Variants in CEP295 observed in about 807,000 individuals in gnomAD.
The protein encoded by CEP295 is centrosomal protein 295.
A neutral mutation model predicts 291.6 loss-of-function variants in CEP295; 190 were observed. The observed-to-expected ratio is 0.65, with a 90% CI of 0.58 to 0.73. The LOEUF (loss-of-function observed/expected upper bound fraction) is 0.73. Ranked by LOEUF, CEP295 falls within the 30% of genes least tolerant of loss-of-function variation. The pLI is 0.00. For missense variants in CEP295, 2,863 were observed against 2,949.4 expected (o/e 0.97, Z 0.68); for synonymous variants, 993 against 1,038.8 (o/e 0.96, Z 0.85).
At chr11:93,681,483 T>C (rs1323299322) in intron 7 of CEP295, among the ~76,000 whole-genome samples, 2 of 139,748 alleles carry the variant, frequency 1.4e-5, no homozygotes, top group African/African-American at 2.6e-5. Context: ...TGGCGTGATC[T>C]TGGCTCACTG....
rs934527379 is a variant in CEP295 at position 93,711,975 on chromosome 11, A to G, written c.5749+5078A>G. ...AATATCTGTTAGGTTCATTTGGTCT[A>G]TGGTGAAGATTAAGCCCAATGTTTC... is the stretch of plus-strand genomic sequence containing the variant. On this transcript the variant is annotated intron_variant, in intron 18 of 29. Coordinates refer to ENST00000325212, the MANE Select transcript of CEP295 (RefSeq NM_033395.2). 7.2e-5 allele frequency among the ~76,000 whole-genome samples: 11 copies of G among 152,142 alleles called. No individual in the cohort carries two copies. In the South Asian group the frequency reaches 8.3e-4, roughly 11 times the overall value.
chr11:93,709,784 T>G (rs1952774800), intron 18 of CEP295, among the ~76,000 whole-genome samples: 1 of 152,198 alleles, frequency 6.6e-6, no homozygotes, highest in South Asian at 2.1e-4. Context: ...GAACATGGAA[T>G]ATCTTTCCAT....
rs1007108410 is a variant in CEP295, at chr11:93,727,148, A to G, written c.6672A>G (p.Lys2224=). Residue 2224 remains lysine (K), a synonymous_variant, in exon 24 of 30, where the codon AAA becomes AAG. Transcript: ENST00000325212. ...EHTEILQNKK[K]IVHFQLSIGN... is the part of the protein sequence containing the mutation. Reference sequence around the variant, plus strand: ...CTGAAATATTACAAAACAAGAAAAAAATTGTTCATTTCCAGCTTTCTATAG... The same window carrying G: ...CTGAAATATTACAAAACAAGAAAAAGATTGTTCATTTCCAGCTTTCTATAG... The G allele has an allele frequency of 1.9e-6, 3 of 1,550,510 alleles. No homozygotes were observed. The African/African-American group carries it at 4.1e-5, about 21-fold the overall frequency.
chr11:93,674,880 G>T (rs1950617178), intron 5 of CEP295, among the ~76,000 whole-genome samples: 1 of 152,138 alleles, frequency 6.6e-6, no homozygotes, highest in South Asian at 2.1e-4. Context: ...ACTTCTCGTT[G>T]TCGTTCACAG....
intron 9 of CEP295, among the ~76,000 whole-genome samples, chr11:93,686,153 T>A (rs1352332608): frequency 6.6e-6 from 1 of 151,956 alleles, no homozygotes; most frequent in East Asian, 2.0e-4. Context: ...ACCCTGTCTC[T>A]ACCAAAAATA....
rs748844922 is a variant in CEP295, at chr11:93,729,574, C to CT, written c.7400-37dup. The CT allele has an allele frequency of 1.2e-5, 18 of 1,549,660 alleles. No homozygotes were observed. In the Admixed American group the frequency reaches 1.8e-4, roughly 15 times the overall value. On this transcript the variant is annotated intron_variant, in intron 26 of 29. Coordinates refer to ENST00000325212, the MANE Select transcript of CEP295 (RefSeq NM_033395.2). ...CCACACTTCTAATGGAAAGTAGATA[C>CT]TTTGCCTATTTCTGTCATAAATTTC...
At chr11:93,684,168 GAA>G in intron 9 of CEP295, 40 bp downstream of exon 9, 1 of 1,352,542 alleles carries the variant, frequency 7.4e-7, no homozygotes, top group Non-Finnish European at 9.9e-7. Flanking sequence ...GTATTTCACA[GAA>G]AAAAAAAATG....
At chr11:93,677,371 T>TTG (rs772364976) in intron 6 of CEP295, among the ~76,000 whole-genome samples, 14 of 151,930 alleles carry the variant, frequency 9.2e-5, no homozygotes, top group Admixed American at 8.5e-4. Flanking sequence ...AGAGCTGCTA[T>TTG]TGTGTGTGTG....
rs1162799525 is a variant in CEP295 at position 93,666,821 on chromosome 11, A to G, written c.108+6A>G. On this transcript the variant is annotated splice_donor_region_variant and intron_variant, in intron 2 of 29. Coordinates refer to ENST00000325212, the MANE Select transcript of CEP295 (RefSeq NM_033395.2). ...GAAAACTAAGATTGCTACAGGTATG[A>G]CTTATTTGTAATAAAGTTTTAAATT... 7.1e-7 allele frequency: 1 copy of G among 1,404,754 alleles called. No individual in the cohort carries two copies. Among genetic ancestry groups the G allele is most frequent in the South Asian group, 1.3e-5 (1 of 79,070 alleles). The allele number at this position is 1,404,754 out of a possible 1,614,324, so 87.0% of individuals were successfully genotyped here.
intron 10 of CEP295, among the ~76,000 whole-genome samples, chr11:93,689,103 G>A (rs375162663): frequency 1.3e-5 from 2 of 152,182 alleles, no homozygotes; most frequent in South Asian, 2.1e-4. Context: ...CCTAGCTTAA[G>A]CCATGTTCAT....
intron 10 of CEP295, among the ~76,000 whole-genome samples, chr11:93,690,239 G>A (rs553181213): frequency 2.0e-5 from 3 of 152,198 alleles, no homozygotes; most frequent in African/African-American, 4.8e-5. Flanking sequence ...GTGAAACCCC[G>A]TCTCCACTAA....
chr11:93,664,044 C>T (rs1950105327), intron 1 of CEP295, among the ~76,000 whole-genome samples: 1 of 152,066 alleles, frequency 6.6e-6, no homozygotes, highest in South Asian at 2.1e-4. Context: ...TGTTCTTGAA[C>T]TTTATATAAA....
At position 93,683,858 on chromosome 11, in the gene CEP295, C is replaced by T. The variant is rs868202672; in HGVS notation, c.950-106C>T. On this transcript the variant is annotated intron_variant, in intron 8 of 29. Coordinates refer to ENST00000325212, the MANE Select transcript of CEP295 (RefSeq NM_033395.2). ...AATGAGTTCTCTGTTTGAAGGAGGC[C>T]CCCCATATTTTAGATTGAGACATTA... 1.5e-5 allele frequency: 21 copies of T among 1,413,040 alleles called. 1 individual carries two copies. The highest frequency in any genetic ancestry group is 1.9e-4 in the Middle Eastern group (1 of 5,364). The allele number at this position is 1,413,040 out of a possible 1,614,324, so 87.5% of individuals were successfully genotyped here.
intron 18 of CEP295, among the ~76,000 whole-genome samples, chr11:93,715,540 T>C (rs559943988): frequency 4.9e-4 from 74 of 152,248 alleles, no homozygotes; most frequent in Middle Eastern, 6.8e-3. Flanking sequence ...TTCCCTCTGC[T>C]TTTCTCAAGC....
chr11:93,702,529 A>G lies in CEP295; in HGVS notation c.5344A>G (p.Asn1782Asp), dbSNP rs1030843843. The G allele has an allele frequency of 1.3e-6, 2 of 1,550,822 alleles. No individual in the cohort carries two copies. The highest frequency in any genetic ancestry group is 1.2e-5 in the South Asian group (1 of 83,852). The stretch of plus-strand genomic sequence containing the variant: ...GGGGCAGCTCAGAGACTGGTTTCCT[A>G]ATACACAAGACCTAGCAGGAAATGA... ...KMGQLRDWFPNTQDLAGNDQE... is the reference protein window; with the variant it reads ...KMGQLRDWFPDTQDLAGNDQE... Residue 1782 changes from asparagine to aspartate, a missense_variant, in exon 16 of 30, where the codon AAT becomes GAT. By Grantham distance (23) the Asn-to-Asp change is conservative. This residue lies in a region of CEP295 where 2,295 missense variants were observed against 2,335.7 expected (regional missense o/e 0.98). Coordinates refer to ENST00000325212, the MANE Select transcript of CEP295 (RefSeq NM_033395.2).
At chr11:93,687,184 G>T (rs1951285623) in intron 9 of CEP295, among the ~76,000 whole-genome samples, 1 of 152,104 alleles carries the variant, frequency 6.6e-6, no homozygotes, top group Admixed American at 6.5e-5. Context: ...CAGTTGATTT[G>T]CTTTTATGGC....
chr11:93,716,619 C>T (rs919266361), intron 18 of CEP295, among the ~76,000 whole-genome samples: 3 of 152,204 alleles, frequency 2.0e-5, no homozygotes, highest in Non-Finnish European at 4.4e-5. Flanking sequence ...AGAACAAAGA[C>T]AGTACTTGGC....
chr11:93,730,278 A>C lies in CEP295; in HGVS notation c.*9A>C. ...CCAAAAATACATGCTGACTTTCTAG[A>C]AATAGTGTAAAGGTTTTTTAATTGT... On this transcript the variant is annotated 3_prime_UTR_variant, in exon 30 of 30. Transcript: ENST00000325212. 6.5e-7 allele frequency: 1 copy of C among 1,530,580 alleles called. No individual in the cohort carries two copies. Among genetic ancestry groups the C allele is most frequent in the Non-Finnish European group, 8.9e-7 (1 of 1,128,862 alleles). The allele number at this position is 1,530,580 out of a possible 1,614,324, so 94.8% of individuals were successfully genotyped here.
chr11:93,706,743 A>G lies in CEP295; in HGVS notation c.5597-2A>G. On this transcript the variant is annotated splice_acceptor_variant, in intron 17 of 29. Transcript: ENST00000325212. LOFTEE classifies it high-confidence loss of function. Reference sequence around the variant, plus strand: ...GAAGTGGAAATATTTTTTCCCCCCCAGGTAAACCAGGTATTTATGAAGACA... The same window carrying G: ...GAAGTGGAAATATTTTTTCCCCCCCGGGTAAACCAGGTATTTATGAAGACA... 3 of 1,515,952 alleles carry G rather than the reference A, an allele frequency of 2.0e-6. No individual in the cohort carries two copies. The highest frequency in any genetic ancestry group is 1.8e-6 in the Non-Finnish European group (2 of 1,131,552). 93.9% of individuals were successfully genotyped at this position (1,515,952 alleles called of 1,614,324 possible).
Sources: gnomAD v4.1 joint callset for allele counts (sites outside exome capture counted in the v4.1 genomes callset) on GRCh38, gnomAD v4.1.1 for gene constraint, gnomAD v4.1.1 regional missense constraint, MANE v1.5 for transcripts, NCBI Gene and HGNC (gene_info 2026-07-23, HGNC 2026-07-21) for gene names.